ALKBH3: variants seen among roughly 807,000 people sequenced by gnomAD.
ALKBH3 encodes the protein alpha-ketoglutarate-dependent dioxygenase alkB homolog 3.
ALKBH3 carries 51 observed loss-of-function variants against 43.9 expected under a neutral mutation model. The observed-to-expected ratio is 1.16, with a 90% CI of 0.93 to 1.47. The LOEUF is 1.47. Among genes scored for constraint, ALKBH3 ranks in the 40% most tolerant of loss-of-function variants. The pLI, the probability that ALKBH3 is intolerant of heterozygous loss-of-function variation, is 0.00. For synonymous variants in ALKBH3, 102 were observed against 115.2 expected (o/e 0.89, Z 0.73); for missense variants, 361 against 351.9 (o/e 1.03, Z -0.21).
chr11:43,888,894 G>T (rs1408054738), intron 5 of ALKBH3, among the ~76,000 whole-genome samples: 1 of 152,234 alleles, frequency 6.6e-6, no homozygotes, highest in Non-Finnish European at 1.5e-5. Context: ...TATTCAGTGG[G>T]AGAAAGAACC....
chr11:43,894,176 A>T (rs966855068), intron 7 of ALKBH3, among the ~76,000 whole-genome samples: 2 of 152,206 alleles, frequency 1.3e-5, no homozygotes, highest in Non-Finnish European at 2.9e-5. Flanking sequence ...ACTAAATCTC[A>T]CATGAGCCCA....
intron 8 of ALKBH3, among the ~76,000 whole-genome samples, chr11:43,904,393 C>T (rs1307434772): frequency 6.6e-6 from 1 of 152,202 alleles, no homozygotes. Context: ...GATTGAATTT[C>T]ATGCAGTTTT....
chr11:43,898,742 C>T (rs1951839177), intron 7 of ALKBH3: 1 of 725,162 alleles, frequency 1.4e-6, no homozygotes, highest in Non-Finnish European at 2.6e-6. Flanking sequence ...CTGCGGTCAC[C>T]CAGGGTATTT....
At chr11:43,909,135 C>T (rs1389007822) in intron 8 of ALKBH3, among the ~76,000 whole-genome samples, 1 of 152,198 alleles carries the variant, frequency 6.6e-6, no homozygotes, top group African/African-American at 2.4e-5. Context: ...ACCTCAGTGA[C>T]TTAAAATCTG....
At chr11:43,886,274 C>A (rs1951745924) in intron 4 of ALKBH3, among the ~76,000 whole-genome samples, 1 of 152,172 alleles carries the variant, frequency 6.6e-6, no homozygotes, top group Non-Finnish European at 1.5e-5. Flanking sequence ...CCACATTCTC[C>A]AGAGGAGTGC....
At chr11:43,911,897 C>T (rs576375307) in intron 8 of ALKBH3, among the ~76,000 whole-genome samples, 15 of 152,142 alleles carry the variant, frequency 9.9e-5, no homozygotes, top group Admixed American at 3.9e-4. Context: ...CTGAGGTGGG[C>T]GGATCACAAG....
intron 4 of ALKBH3, among the ~76,000 whole-genome samples, chr11:43,886,338 A>G (rs936328930): frequency 9.2e-5 from 14 of 152,172 alleles, no homozygotes; most frequent in African/African-American, 3.1e-4. Flanking sequence ...TGCCTCAATT[A>G]TGGGTAAAAT....
chr11:43,903,175 G>GT (rs1167975731), intron 8 of ALKBH3, among the ~76,000 whole-genome samples: 5 of 152,160 alleles, frequency 3.3e-5, no homozygotes, highest in African/African-American at 9.7e-5. Context: ...AGTTGCCGGT[G>GT]TTTTTTTAAG....
intron 7 of ALKBH3, chr11:43,899,437 G>T (rs1225143487): frequency 4.3e-6 from 3 of 703,190 alleles, no homozygotes; most frequent in Non-Finnish European, 5.4e-6. Flanking sequence ...ACGCCAAAGT[G>T]ATAGGCTCCG....
At chr11:43,918,968 C>T in intron 8 of ALKBH3, 70 bp from the exon 9 acceptor site, 1 of 1,241,134 alleles carries the variant, frequency 8.1e-7, no homozygotes, top group Admixed American at 1.8e-5. Context: ...TTTTTTTTGA[C>T]CTCTGTCAGG....
At chr11:43,900,036 G>A (rs1390431398) in intron 7 of ALKBH3, among the ~76,000 whole-genome samples, 2 of 150,074 alleles carry the variant, frequency 1.3e-5, no homozygotes, top group African/African-American at 4.9e-5. Context: ...ATTGAATGCA[G>A]AAACAAATAT....
At chr11:43,912,412 C>G (rs3740990) in intron 8 of ALKBH3, 41,957 of 152,108 alleles carry the variant, frequency 0.28, 7,040 homozygotes, top group East Asian at 0.58. Context: ...CCCCCTATAG[C>G]GTGAAGGCTT....
chr11:43,895,108 C>T (rs1951809357), intron 7 of ALKBH3, among the ~76,000 whole-genome samples: 1 of 152,074 alleles, frequency 6.6e-6, no homozygotes, highest in Non-Finnish European at 1.5e-5. Flanking sequence ...TGTAAGCTTC[C>T]CTGGCAGTTT....
intron 9 of ALKBH3, among the ~76,000 whole-genome samples, chr11:43,919,402 C>A (rs1244140357): frequency 1.3e-5 from 2 of 152,194 alleles, no homozygotes; most frequent in South Asian, 2.1e-4. Context: ...TGACTGACTT[C>A]TTAAAATGTG....
In ALKBH3 at chr11:43,893,306, C is replaced by T. The variant is rs191749995; in HGVS notation, c.459+1177C>T. Reference sequence around the variant, plus strand: ...CCACCTGTTAGATGTCAGTGGCACCCCTCACCCAGCTGTGACAACCAAAAC... The same window carrying T: ...CCACCTGTTAGATGTCAGTGGCACCTCTCACCCAGCTGTGACAACCAAAAC... On this transcript the variant is annotated intron_variant, in intron 7 of 9. Transcript: ENST00000302708. Among the ~76,000 whole-genome samples the T allele has an allele frequency of 1.8e-4, 27 of 152,214 alleles. 1 individual carries two copies. Among genetic ancestry groups the T allele is most frequent in the Admixed American group, 1.7e-3 (26 of 15,296 alleles).
chr11:43,890,429 T>C (rs991779738), intron 6 of ALKBH3, among the ~76,000 whole-genome samples: 56 of 152,156 alleles, frequency 3.7e-4, no homozygotes, highest in African/African-American at 1.2e-3. Context: ...GTCTGTACTC[T>C]AGCATCGAAT....
At chr11:43,892,335 C>T (rs1433286065) in intron 7 of ALKBH3, among the ~76,000 whole-genome samples, 1 of 152,144 alleles carries the variant, frequency 6.6e-6, no homozygotes, top group Non-Finnish European at 1.5e-5. Context: ...TAAACTGAAC[C>T]AGAGTCTAGC....
chr11:43,902,073 A>G (rs1008584651), intron 8 of ALKBH3, among the ~76,000 whole-genome samples: 5 of 152,234 alleles, frequency 3.3e-5, no homozygotes, highest in Non-Finnish European at 5.9e-5. Flanking sequence ...GGAAAGCCTT[A>G]GAAGAATGAC....
rs769594838 is a variant in ALKBH3 at position 43,883,994 on chromosome 11, A to G, written c.195A>G (p.Arg65=). Residue 65 remains arginine, a synonymous_variant, in exon 4 of 10, where the codon AGA becomes AGG. Transcript: ENST00000302708. ...VFKEPQQVVR[R]APEPRVIDRE... The stretch of plus-strand genomic sequence containing the variant: ...CTATTTCCTTGCAGGTAGTACGTAG[A>G]GCTCCTGAGCCACGAGTGATTGAGT... The G allele has an allele frequency of 6.2e-7, 1 of 1,613,982 alleles. No individual in the cohort carries two copies.
Sources: gnomAD v4.1 joint callset for allele counts (sites outside exome capture counted in the v4.1 genomes callset) on GRCh38, gnomAD v4.1.1 for gene constraint, MANE v1.5 for transcripts, NCBI Gene and HGNC (gene_info 2026-07-23, HGNC 2026-07-21) for gene names.